Variants in OR1M1 observed in about 807,000 individuals in gnomAD.
OR1M1 encodes olfactory receptor 1M1.
For missense variants in OR1M1, 397 were observed against 401.8 expected (o/e 0.99, Z 0.10); for synonymous variants, 157 against 165.5 (o/e 0.95, Z 0.39).
chr19:9,093,038 T>C (rs569107726), intron 1 of OR1M1, 194 bp from the exon 2 acceptor site: 21 of 143,602 alleles, frequency 1.5e-4, no homozygotes, highest in African/African-American at 1.1e-3. Context: ...TCTCTCTCTC[T>C]ATATATATAT....
intron 1 of OR1M1, 126 bp from the exon 2 acceptor site, chr19:9,093,106 A>C (rs1024162410): frequency 1.2e-5 from 7 of 584,788 alleles, no homozygotes; most frequent in Non-Finnish European, 2.1e-5. Context: ...ACACACACAC[A>C]CACATATATA....
rs756267432 is a variant in OR1M1, at chr19:9,093,808, G to A, written c.564G>A (p.Ser188=). 3.9e-5 allele frequency: 63 copies of A among 1,613,904 alleles called. 1 individual carries two copies. The highest frequency in any genetic ancestry group is 3.5e-4 in the African/African-American group (26 of 75,028). ...ACCTCACTCCCATCCTCCGACTTTCGTGCACGGACACCTCTGTGAATAGGA... is the reference window on the plus strand; with the variant it reads ...ACCTCACTCCCATCCTCCGACTTTCATGCACGGACACCTCTGTGAATAGGA... ...FCDLTPILRL[S]CTDTSVNRIF... The change falls in exon 2 of 2, where the codon TCG becomes TCA. Residue 188 remains serine (S), a synonymous_variant. Transcript: ENST00000641627.
rs1359902619 is a variant in OR1M1, at chr19:9,093,679, C to T, written c.435C>T (p.Val145=). ...IMSLRLCRLL[V]GALWAFSCFI... ...GCCTACGCCTCTGTCGCCTGCTGGT[C>T]GGCGCCCTCTGGGCGTTTTCCTGCT... Residue 145 remains valine, a synonymous_variant, in exon 2 of 2, where the codon GTC becomes GTT. Transcript: ENST00000641627. The T allele has an allele frequency of 5.0e-6, 8 of 1,614,138 alleles. No individual in the cohort carries two copies. The highest frequency in any genetic ancestry group is 3.3e-5 in the Admixed American group (2 of 60,020).
chr19:9,088,952 A>G (rs571727689), intron 1 of OR1M1, among the ~76,000 whole-genome samples: 1 of 152,318 alleles, frequency 6.6e-6, no homozygotes, highest in East Asian at 1.9e-4. Flanking sequence ...TATGAGGTAC[A>G]TAGTAATGTT....
At chr19:9,089,403 A>G (rs1230615648) in intron 1 of OR1M1, among the ~76,000 whole-genome samples, 1 of 145,824 alleles carries the variant, frequency 6.9e-6, no homozygotes, top group Non-Finnish European at 1.5e-5. Context: ...ATAGTTTTCC[A>G]TTGTGTATTT....
chr19:9,092,440 G>A (rs2053073), intron 1 of OR1M1, among the ~76,000 whole-genome samples: 96,222 of 151,426 alleles, frequency 0.64, 30,837 homozygotes, highest in East Asian at 0.9. Flanking sequence ...CCACACACAA[G>A]AAAAGATAAA....
At position 9,093,571 on chromosome 19, in the gene OR1M1, C is replaced by G. The variant is rs201998994; in HGVS notation, c.327C>G (p.Ile109Met). ...IQMYFFHFFG[I>M]VDSVIIAMMA... ...TGTACTTCTTCCATTTCTTTGGCAT[C>G]GTGGACAGCGTCATAATCGCCATGA... Residue 109 changes from isoleucine to methionine, a missense_variant, in exon 2 of 2, where the codon ATC (isoleucine) becomes ATG (methionine). Ile to Met is a conservative substitution (Grantham distance 10). Transcript: ENST00000641627. 6.3e-5 allele frequency: 102 copies of G among 1,614,074 alleles called. 1 individual carries two copies. In the South Asian group the frequency reaches 7.7e-4, roughly 12 times the overall value.
In OR1M1 at chr19:9,093,836, T is replaced by C; in HGVS notation, c.592T>C (p.Phe198Leu). The C allele has an allele frequency of 1.2e-6, 2 of 1,614,066 alleles. No individual in the cohort carries two copies. The highest frequency in any genetic ancestry group is 2.2e-5 in the East Asian group (1 of 44,882). The change falls in exon 2 of 2, where the codon TTC becomes CTC. Residue 198 changes from phenylalanine to leucine, a missense_variant. Physicochemically the swap from Phe to Leu is conservative, Grantham distance 22 (BLOSUM62 0). Coordinates refer to ENST00000641627, the MANE Select transcript of OR1M1 (RefSeq NM_001004456.2). ...SCTDTSVNRI[F>L]ILIVAGMVIA... ...CACGGACACCTCTGTGAATAGGATC[T>C]TCATCCTCATTGTGGCAGGGATGGT...
rs746486487 is a variant in OR1M1, at chr19:9,093,850, G to T, written c.606G>T (p.Val202=). 6 of 1,613,906 alleles carry T rather than the reference G, an allele frequency of 3.7e-6. No individual in the cohort carries two copies. In the Admixed American group the frequency reaches 1.0e-4, roughly 27 times the overall value. ...TSVNRIFILI[V]AGMVIATPFV... The stretch of plus-strand genomic sequence containing the variant: ...TGAATAGGATCTTCATCCTCATTGT[G>T]GCAGGGATGGTGATAGCCACGCCCT... The change falls in exon 2 of 2, where the codon GTG becomes GTT. Residue 202 remains valine (V), a synonymous_variant. Coordinates refer to ENST00000641627, the MANE Select transcript of OR1M1 (RefSeq NM_001004456.2).
chr19:9,091,099 G>C (rs554712692), intron 1 of OR1M1, among the ~76,000 whole-genome samples: 1 of 151,816 alleles, frequency 6.6e-6, no homozygotes, highest in Non-Finnish European at 1.5e-5. Flanking sequence ...CCTGGGAGGC[G>C]GAGCTTGCAG....
Position 9,094,416 on chromosome 19 carries a change from G to T in OR1M1, c.*230G>T, listed in dbSNP as rs1306830195. 3 of 390,514 alleles carry T rather than the reference G, an allele frequency of 7.7e-6. No individual in the cohort carries two copies. In the East Asian group the frequency reaches 1.3e-4, roughly 17 times the overall value. 24.2% of individuals were successfully genotyped at this position (390,514 alleles called of 1,614,324 possible). A position where few individuals can be genotyped will look rare whatever the true frequency, so the allele number is the denominator to read the frequency against. ...GTGTGCATTGTTTTACTAGAGACAGGGTCTCACTAATTTGGCCAGGCTGGT... is the reference window on the plus strand; with the variant it reads ...GTGTGCATTGTTTTACTAGAGACAGTGTCTCACTAATTTGGCCAGGCTGGT... On this transcript the variant is annotated 3_prime_UTR_variant, in exon 2 of 2. Transcript: ENST00000641627.
chr19:9,088,349 TGCAGAG>T (rs984515219), intron 1 of OR1M1, among the ~76,000 whole-genome samples: 12 of 152,142 alleles, frequency 7.9e-5, no homozygotes, highest in African/African-American at 2.9e-4. Context: ...AGACACAGAG[TGCAGAG>T]GTCCAGATAG....
chr19:9,089,302 C>T (rs1474429528), intron 1 of OR1M1, among the ~76,000 whole-genome samples: 2 of 151,990 alleles, frequency 1.3e-5, no homozygotes, highest in East Asian at 3.8e-4. Context: ...CAGTGTTTAA[C>T]TTTCTGTTCC....
rs975604564 is a variant in OR1M1, at chr19:9,095,235, C to T, written c.*1049C>T. 2.0e-5 allele frequency: 3 copies of T among 152,220 alleles called. No individual in the cohort carries two copies. Among genetic ancestry groups the T allele is most frequent in the African/African-American group, 7.2e-5 (3 of 41,458 alleles). 9.4% of individuals were successfully genotyped at this position (152,220 alleles called of 1,614,324 possible). A position where few individuals can be genotyped will look rare whatever the true frequency, so the allele number is the denominator to read the frequency against. ...CAGAACCATGAGACAATCCACTTCA[C>T]TTATTTAGCCACGCAGTCTGCGGTG... On this transcript the variant is annotated 3_prime_UTR_variant, in exon 2 of 2. Coordinates refer to ENST00000641627, the MANE Select transcript of OR1M1 (RefSeq NM_001004456.2).
At chr19:9,088,518 T>C (rs995109045) in intron 1 of OR1M1, among the ~76,000 whole-genome samples, 1 of 152,194 alleles carries the variant, frequency 6.6e-6, no homozygotes, top group Non-Finnish European at 1.5e-5. Flanking sequence ...GGCAGGAGGA[T>C]GTCTGAGATC....
At chr19:9,089,832 A>G (rs1334185921) in intron 1 of OR1M1, among the ~76,000 whole-genome samples, 2 of 152,110 alleles carry the variant, frequency 1.3e-5, no homozygotes, top group Non-Finnish European at 2.9e-5. Context: ...TATTAATCCA[A>G]GCTCCTCATA....
chr19:9,094,126 CAG>C lies in OR1M1; in HGVS notation c.886_887del (p.Asp296ProfsTer44), dbSNP rs769133079. 4.3e-6 allele frequency: 7 copies of C among 1,613,496 alleles called. No individual in the cohort carries two copies. The highest frequency in any genetic ancestry group is 5.9e-6 in the Non-Finnish European group (7 of 1,179,982). ...ATCCCTTCATCTACAGCTTGAGGAA[CAG>C]AGACCTGAAAGGGGCTCTCAGGAAG... ...LNPFIYSLRNRDLKGALRKLV... is the reference protein window; with the variant it reads ...LNPFIYSLRNXDLKGALRKLV... On this transcript the variant is annotated frameshift_variant, in exon 2 of 2. Transcript: ENST00000641627. LOFTEE classifies it low-confidence loss of function (END_TRUNC).
chr19:9,092,726 C>A (rs1395512004), intron 1 of OR1M1, among the ~76,000 whole-genome samples: 2 of 151,792 alleles, frequency 1.3e-5, no homozygotes, highest in African/African-American at 2.4e-5. Context: ...ATGGTGAAAC[C>A]CCATTTCTAC....
chr19:9,092,504 G>A (rs1272614787), intron 1 of OR1M1, among the ~76,000 whole-genome samples: 1 of 152,152 alleles, frequency 6.6e-6, no homozygotes, highest in Non-Finnish European at 1.5e-5. Context: ...TAGAGAGGCT[G>A]TGGCAGGAGG....
Sources: allele counts gnomAD v4.1 joint callset (sites outside exome capture counted in the v4.1 genomes callset), GRCh38; gene constraint gnomAD v4.1.1; transcripts MANE v1.5; gene names NCBI Gene and HGNC (gene_info 2026-07-23, HGNC 2026-07-21).